The following DENND1A variants were observed in gnomAD, a reference collection of about 807,000 sequenced individuals.
DENND1A encodes the protein DENN domain containing 1A.
In DENND1A, 51 loss-of-function variants were observed where a neutral mutation model predicts 113.7. The ratio of observed to expected loss-of-function variants is 0.45; its 90% CI spans 0.36 to 0.57. DENND1A has a LOEUF of 0.57. Among genes scored for constraint, DENND1A ranks in the 20% least tolerant of loss-of-function variants. The pLI, the probability that DENND1A is intolerant of heterozygous loss-of-function variation, is 0.00. For synonymous variants in DENND1A, 565 were observed against 570.8 expected (o/e 0.99, Z 0.14); for missense variants, 1,258 against 1,395.9 (o/e 0.90, Z 1.57).
At chr9:123,586,417 T>G (rs951738953) in intron 11 of DENND1A, among the ~76,000 whole-genome samples, 24 of 152,312 alleles carry the variant, frequency 1.6e-4, no homozygotes, top group African/African-American at 5.8e-4. Context: ...GGTTAAGCTC[T>G]GTGGAGTGTT....
intron 8 of DENND1A, among the ~76,000 whole-genome samples, chr9:123,653,285 T>C (rs1489609770): frequency 6.6e-6 from 1 of 152,224 alleles, no homozygotes; most frequent in Non-Finnish European, 1.5e-5. Flanking sequence ...CTCTATATAC[T>C]AACTACCTAT....
chr9:123,629,642 G>A (rs1034807644), intron 10 of DENND1A, among the ~76,000 whole-genome samples: 1 of 152,136 alleles, frequency 6.6e-6, no homozygotes, highest in Non-Finnish European at 1.5e-5. Flanking sequence ...AAGATGGTAG[G>A]GCTGTCGCCA....
At chr9:123,667,264 T>C (rs762727352) in intron 7 of DENND1A, among the ~76,000 whole-genome samples, 185 bp from the exon 8 acceptor site, 44 of 152,230 alleles carry the variant, frequency 2.9e-4, no homozygotes, top group South Asian at 2.1e-4. Flanking sequence ...CATTAAATCA[T>C]CACTTTGGTA....
At chr9:123,730,763 C>T (rs1036088901) in intron 5 of DENND1A, among the ~76,000 whole-genome samples, 1 of 152,098 alleles carries the variant, frequency 6.6e-6, no homozygotes, top group Non-Finnish European at 1.5e-5. Context: ...TGGTTATATA[C>T]CCAAAGGATT....
chr9:123,514,729 A>G lies in DENND1A; in HGVS notation c.993+42841T>C, dbSNP rs2053755100. Among the ~76,000 whole-genome samples the G allele has an allele frequency of 3.3e-5, 5 of 152,336 alleles. No individual in the cohort carries two copies. The South Asian group carries it at 1.0e-3, about 32-fold the overall frequency. Reference sequence around the variant, plus strand: ...CACGGCCTTCAGTATGGGAAGATGGATACAGAAACAGAGACATAAAGTGCC... The same window carrying G: ...CACGGCCTTCAGTATGGGAAGATGGGTACAGAAACAGAGACATAAAGTGCC... On this transcript the variant is annotated intron_variant, in intron 13 of 23. Coordinates refer to ENST00000394215, the MANE Select transcript of DENND1A (RefSeq NM_001352964.2).
intron 2 of DENND1A, among the ~76,000 whole-genome samples, chr9:123,859,486 T>C (rs1844750388): frequency 6.6e-6 from 1 of 151,702 alleles, no homozygotes; most frequent in Non-Finnish European, 1.5e-5. Flanking sequence ...GAGGTTAAAT[T>C]ACCTATTTAA....
chr9:123,399,179 C>T (rs1350997745), intron 21 of DENND1A, among the ~76,000 whole-genome samples: 3 of 152,068 alleles, frequency 2.0e-5, no homozygotes, highest in East Asian at 3.8e-4. Context: ...CAGAGAAGCA[C>T]GTGAGGATAA....
chr9:123,826,568 C>T (rs529980163), intron 2 of DENND1A, among the ~76,000 whole-genome samples: 1 of 152,266 alleles, frequency 6.6e-6, no homozygotes, highest in South Asian at 2.1e-4. Context: ...CCATTCCTCA[C>T]ACCACATTCC....
intron 20 of DENND1A, among the ~76,000 whole-genome samples, chr9:123,404,178 A>G (rs2043744917): frequency 6.6e-6 from 1 of 152,202 alleles, no homozygotes; most frequent in African/African-American, 2.4e-5. Flanking sequence ...CAGCTGCTGC[A>G]GCAGCGGGAT....
intron 22 of DENND1A, 34 bp from the exon 23 acceptor site, chr9:123,383,947 C>T (rs1042337594): frequency 6.3e-7 from 1 of 1,586,926 alleles, no homozygotes; most frequent in Admixed American, 1.7e-5. Context: ...ACTCTCCCAC[C>T]CAGGCCTTCA....
chr9:123,553,402 C>CCG (rs929305043), intron 13 of DENND1A, among the ~76,000 whole-genome samples: 3 of 65,572 alleles, frequency 4.6e-5, no homozygotes, highest in African/African-American at 2.8e-4. Context: ...TAAAAGCCGC[C>CCG]CCCCCCCCGC....
intron 2 of DENND1A, among the ~76,000 whole-genome samples, chr9:123,861,954 TGC>T (rs1845119526): frequency 6.6e-6 from 1 of 152,166 alleles, no homozygotes; most frequent in Non-Finnish European, 1.5e-5. Context: ...TTTCCAAATA[TGC>T]CCAGTGCAAA....
intron 13 of DENND1A, among the ~76,000 whole-genome samples, chr9:123,473,995 T>C (rs1228486028): frequency 4.5e-4 from 61 of 134,396 alleles, no homozygotes; most frequent in African/African-American, 1.4e-3. Flanking sequence ...TCTTTTTTTT[T>C]TTTTTTTTTT....
intron 1 of DENND1A, among the ~76,000 whole-genome samples, chr9:123,886,936 G>C (rs529408619): frequency 6.6e-6 from 1 of 152,244 alleles, no homozygotes; most frequent in African/African-American, 2.4e-5. Context: ...AGTCACAAAG[G>C]TTTACCTTCC....
intron 19 of DENND1A, among the ~76,000 whole-genome samples, chr9:123,431,839 G>T (rs1397630155): frequency 6.6e-6 from 1 of 152,128 alleles, no homozygotes; most frequent in Admixed American, 6.5e-5. Context: ...TAGCACATAC[G>T]GGATGCTTAA....
chr9:123,744,640 C>T (rs1041970992), intron 5 of DENND1A, among the ~76,000 whole-genome samples: 9 of 152,158 alleles, frequency 5.9e-5, no homozygotes, highest in African/African-American at 1.4e-4. Flanking sequence ...GGCTCATGTA[C>T]ACTTTGTCAC....
chr9:123,721,494 C>T (rs1157838572), intron 5 of DENND1A, among the ~76,000 whole-genome samples: 1 of 152,238 alleles, frequency 6.6e-6, no homozygotes, highest in East Asian at 1.9e-4. Flanking sequence ...CATTTCCCAT[C>T]TCCACCAACA....
intron 22 of DENND1A, among the ~76,000 whole-genome samples, chr9:123,385,103 G>A (rs573963713): frequency 6.6e-5 from 10 of 152,354 alleles, no homozygotes; most frequent in African/African-American, 2.4e-4. Flanking sequence ...TAGATGGAGA[G>A]GCAGCGCCTG....
chr9:123,476,542 C>A (rs1348630873), intron 13 of DENND1A, among the ~76,000 whole-genome samples: 2 of 152,176 alleles, frequency 1.3e-5, no homozygotes, highest in Non-Finnish European at 2.9e-5. Context: ...CTACAGCCAG[C>A]AGCACATAGA....
Sources: allele counts gnomAD v4.1 joint callset (sites outside exome capture counted in the v4.1 genomes callset), GRCh38; gene constraint gnomAD v4.1.1; transcripts MANE v1.5; gene names NCBI Gene and HGNC (gene_info 2026-07-23, HGNC 2026-07-21).